The following C14orf39 variants were observed in gnomAD, a reference collection of about 807,000 sequenced individuals.
C14orf39 encodes the protein protein SIX6OS1.
Under a neutral mutation model 85.6 loss-of-function variants are expected in C14orf39, and 66 were observed. The ratio of observed to expected loss-of-function variants is 0.77; its 90% CI spans 0.63 to 0.95. The LOEUF is 0.95. Among genes scored for constraint, C14orf39 ranks in the 40% least tolerant of loss-of-function variants. C14orf39 has a pLI of 0.00. For synonymous variants in C14orf39, 242 were observed against 214.0 expected, an observed-to-expected ratio of 1.13 and a Z score of -1.14; for missense variants, 735 against 663.9, an observed-to-expected ratio of 1.11 and a Z score of -1.18.
At chr14:60,489,660 C>A (rs1261044751), upstream of C14orf39, among the ~76,000 whole-genome samples, 2 of 152,204 alleles carry the variant, frequency 1.3e-5, no homozygotes, top group African/African-American at 4.8e-5. Flanking sequence ...CTTACCTCCT[C>A]AGAAGCGTTA....
chr14:60,496,193 T>G, intron 2 of C14orf39: 5 of 431,482 alleles, frequency 1.2e-5, no homozygotes, highest in South Asian at 8.5e-5. Flanking sequence ...GTACAGGAGA[T>G]TCACATGTTC....
intron 11 of C14orf39, among the ~76,000 whole-genome samples, chr14:60,462,081 T>C (rs1002578690): frequency 3.9e-5 from 6 of 152,124 alleles, no homozygotes; most frequent in Non-Finnish European, 8.8e-5. Flanking sequence ...AATTGTTTAA[T>C]ATTAACATCT....
At chr14:60,479,941 T>C (rs1261416767) in intron 4 of C14orf39, among the ~76,000 whole-genome samples, 1 of 152,066 alleles carries the variant, frequency 6.6e-6, no homozygotes, top group African/African-American at 2.4e-5. Flanking sequence ...GAACTCAACT[T>C]AATAGAAAAA....
At chr14:60,483,932 G>A in intron 3 of C14orf39, 115 bp from the exon 4 acceptor site, 1 of 665,834 alleles carries the variant, frequency 1.5e-6, no homozygotes, top group Non-Finnish European at 2.4e-6. Flanking sequence ...CCAGAGAATG[G>A]AGAGGAAACG....
intron 4 of C14orf39, among the ~76,000 whole-genome samples, chr14:60,479,738 G>C (rs934901231): frequency 2.6e-5 from 4 of 152,006 alleles, no homozygotes; most frequent in African/African-American, 9.7e-5. Context: ...GCAAGTTGCA[G>C]ACCTTGCTTT....
At chr14:60,503,539 T>C (rs755865620) in intron 1 of C14orf39, among the ~76,000 whole-genome samples, 1 of 152,224 alleles carries the variant, frequency 6.6e-6, no homozygotes, top group Non-Finnish European at 1.5e-5. Context: ...ATCTCTGCCA[T>C]TAACTAACTG....
rs953631655 is a variant in C14orf39 at position 60,515,270 on chromosome 14, G to A, written c.-144+125C>T. 1 of 151,940 alleles carries A rather than the reference G, an allele frequency of 6.6e-6. No individual in the cohort carries two copies. Among genetic ancestry groups the A allele is most frequent in the African/African-American group, 2.4e-5 (1 of 41,412 alleles). The allele number at this position is 151,940 out of a possible 1,614,324, so 9.4% of individuals were successfully genotyped here. A position where few individuals can be genotyped will look rare whatever the true frequency, so the allele number is the denominator to read the frequency against. ...CCCCAAGCCACGGTCCGCTCCCAAAGAGAAGCCCAGACTGGGCCCACAGTA... is the reference window on the plus strand; with the variant it reads ...CCCCAAGCCACGGTCCGCTCCCAAAAAGAAGCCCAGACTGGGCCCACAGTA... On this transcript the variant is annotated intron_variant, in intron 1 of 5. Coordinates refer to the C14orf39 transcript ENST00000556799. This position sits in a 1 kb window ranked among gnomAD's most constrained non-coding sequence, Gnocchi z 6.2.
intron 1 of C14orf39, among the ~76,000 whole-genome samples, chr14:60,505,528 T>C (rs1893191555): frequency 6.6e-6 from 1 of 152,178 alleles, no homozygotes; most frequent in African/African-American, 2.4e-5. Context: ...CCACCAACAC[T>C]CGGCTTTGAG....
At chr14:60,495,698 G>C (rs1341140908) in intron 2 of C14orf39, 1 of 186,134 alleles carries the variant, frequency 5.4e-6, no homozygotes, top group African/African-American at 2.4e-5. Flanking sequence ...AAACATGAAG[G>C]GTTTCTCTCC....
intron 16 of C14orf39, among the ~76,000 whole-genome samples, chr14:60,451,676 A>G (rs1286889347): frequency 1.6e-5 from 2 of 122,356 alleles, no homozygotes; most frequent in African/African-American, 3.1e-5. Context: ...ATCACACACC[A>G]GGGCCCGTCA....
At chr14:60,443,866 A>C (rs1890637389) in intron 16 of C14orf39, among the ~76,000 whole-genome samples, 2 of 152,226 alleles carry the variant, frequency 1.3e-5, no homozygotes, top group Non-Finnish European at 2.9e-5. Context: ...TGCAATATTT[A>C]CTGTTCTGCA....
chr14:60,507,471 T>C (rs2140185978), intron 1 of C14orf39, among the ~76,000 whole-genome samples: 1 of 152,328 alleles, frequency 6.6e-6, no homozygotes, highest in South Asian at 2.1e-4. Context: ...TGCCCCTGCC[T>C]TGTCGTATTT....
intron 11 of C14orf39, among the ~76,000 whole-genome samples, chr14:60,462,618 T>C (rs1341810319): frequency 6.6e-6 from 1 of 152,140 alleles, no homozygotes; most frequent in African/African-American, 2.4e-5. Context: ...TAAGAAAAAG[T>C]GTCAACCTCC....
At position 60,461,411 on chromosome 14, in the gene C14orf39, A is replaced by G. The variant is rs774534562; in HGVS notation, c.1060T>C (p.Leu354=). 34 of 1,607,334 alleles carry G rather than the reference A, an allele frequency of 2.1e-5. No individual in the cohort carries two copies. Among genetic ancestry groups the G allele is most frequent in the South Asian group, 1.9e-4 (17 of 90,030 alleles). ...TSSQKFMQVR[L]LTPQKQSNSN... is the part of the protein sequence containing the mutation. ...TTTGATTGTTTCTGTGGGGTTAACA[A>G]TCTAAAATGGAATAAATATAATTTT... The change falls in exon 13 of 18, where the codon TTG becomes CTG. Residue 354 remains leucine (L), a splice_region_variant and synonymous_variant. Coordinates refer to ENST00000321731, the MANE Select transcript of C14orf39 (RefSeq NM_174978.3).
At chr14:60,481,151 C>T (rs1214388349) in intron 4 of C14orf39, among the ~76,000 whole-genome samples, 1 of 152,030 alleles carries the variant, frequency 6.6e-6, no homozygotes, top group Non-Finnish European at 1.5e-5. Context: ...TGATGAATAT[C>T]TTAATTAGCT....
In C14orf39 at chr14:60,471,649, A is replaced by G. The variant is rs1316718882; in HGVS notation, c.414T>C (p.Tyr138=). ...KYSETPFSRE[Y]YEKKREHEEI... is the part of the protein sequence containing the mutation. Reference sequence around the variant, plus strand: ...CTTCATGTTCTCTTTTCTTCTCATAATATTCACGTGAAAAGGGTGTTTCTG... The same window carrying G: ...CTTCATGTTCTCTTTTCTTCTCATAGTATTCACGTGAAAAGGGTGTTTCTG... Residue 138 remains tyrosine, a synonymous_variant, in exon 6 of 18, where the codon TAT becomes TAC. Transcript: ENST00000321731. 25 of 1,610,812 alleles carry G rather than the reference A, an allele frequency of 1.6e-5. No individual in the cohort carries two copies. The highest frequency in any genetic ancestry group is 2.1e-5 in the Non-Finnish European group (25 of 1,177,984).
chr14:60,452,215 T>C (rs944616151), intron 16 of C14orf39, among the ~76,000 whole-genome samples: 1 of 140,464 alleles, frequency 7.1e-6, no homozygotes, highest in Non-Finnish European at 1.6e-5. Flanking sequence ...GTAACCACAA[T>C]CGAAAAAGAG....
upstream of C14orf39, among the ~76,000 whole-genome samples, chr14:60,487,927 G>A (rs1892928934): frequency 6.6e-6 from 1 of 152,118 alleles, no homozygotes; most frequent in Non-Finnish European, 1.5e-5. Context: ...TTTGAGCAAT[G>A]TCTATTCAGG....
intron 9 of C14orf39, 126 bp from the exon 10 acceptor site, chr14:60,467,170 C>T (rs941856057): frequency 2.5e-6 from 1 of 401,256 alleles, no homozygotes; most frequent in African/African-American, 2.1e-5. Context: ...AACTGAGTTC[C>T]AAAGAATTTA....
Sources: allele counts gnomAD v4.1 joint callset (sites outside exome capture counted in the v4.1 genomes callset), GRCh38; gene constraint gnomAD v4.1.1; non-coding constraint Gnocchi (gnomAD v3.1); transcripts MANE v1.5; gene names NCBI Gene and HGNC (gene_info 2026-07-23, HGNC 2026-07-21).